FBXL17: variants seen among roughly 807,000 people sequenced by gnomAD.
FBXL17 encodes the protein F-box/LRR-repeat protein 17.
A neutral mutation model predicts 66.2 loss-of-function variants in FBXL17; 22 were observed. That is an observed-to-expected ratio of 0.33 (90% CI 0.24 to 0.47). The LOEUF (loss-of-function observed/expected upper bound fraction) is 0.47. Among genes scored for constraint, FBXL17 ranks in the 20% least tolerant of loss-of-function variants. FBXL17 has a pLI of 1.00. For synonymous variants in FBXL17, 474 were observed against 400.5 expected, an observed-to-expected ratio of 1.18 and a Z score of -2.19; for missense variants, 878 against 948.2, an observed-to-expected ratio of 0.93 and a Z score of 0.97.
intron 7 of FBXL17, among the ~76,000 whole-genome samples, chr5:107,982,543 G>A (rs1297419790): frequency 6.6e-6 from 1 of 152,128 alleles, no homozygotes; most frequent in African/African-American, 2.4e-5. Flanking sequence ...AGAACCAGAG[G>A]AAAAACATGC....
Position 108,364,829 on chromosome 5 carries a change from G to T in FBXL17, c.1283C>A (p.Thr428Asn), listed in dbSNP as rs911602561. The stretch of plus-strand genomic sequence containing the variant: ...GTGAGAGGCAACCGCAATAATAGAG[G>T]TGTCAGAAAGCTGTTTACACCTGTA... The part of the protein sequence containing the change: ...TAYRCKQLSD[T>N]SIIAVASHCP... The change falls in exon 3 of 9, where the codon ACC becomes AAC. Residue 428 changes from threonine to asparagine, a missense_variant. Thr to Asn is a moderately conservative substitution (Grantham distance 65, BLOSUM62 0). This residue lies in a region of FBXL17 where 236 missense variants were observed against 389.1 expected (regional missense o/e 0.61). Transcript: ENST00000542267. 6.2e-7 allele frequency: 1 copy of T among 1,612,922 alleles called. No homozygotes were observed. The highest frequency in any genetic ancestry group is 2.2e-5 in the East Asian group (1 of 44,840).
At chr5:108,083,248 C>CAT (rs1422590389) in intron 6 of FBXL17, among the ~76,000 whole-genome samples, 1 of 135,548 alleles carries the variant, frequency 7.4e-6, no homozygotes. Context: ...CACACACACA[C>CAT]ACAGAGAGAG....
intron 7 of FBXL17, among the ~76,000 whole-genome samples, chr5:107,997,034 C>A (rs1045835584): frequency 1.2e-4 from 19 of 152,186 alleles, no homozygotes; most frequent in Non-Finnish European, 2.6e-4. Context: ...AGGGCTGAGA[C>A]TGGAAACTGT....
intron 6 of FBXL17, among the ~76,000 whole-genome samples, chr5:108,168,253 C>G (rs1752482243): frequency 6.6e-6 from 1 of 152,240 alleles, no homozygotes; most frequent in African/African-American, 2.4e-5. Flanking sequence ...TAAAGTCAAA[C>G]AACCCAGTTG....
At chr5:107,900,553 A>C (rs1749538542) in intron 7 of FBXL17, among the ~76,000 whole-genome samples, 1 of 152,176 alleles carries the variant, frequency 6.6e-6, no homozygotes, top group Non-Finnish European at 1.5e-5. Context: ...AAACTGTTCT[A>C]ACTAAAGAAT....
chr5:108,181,821 C>T (rs996061926), intron 6 of FBXL17, among the ~76,000 whole-genome samples: 4 of 152,038 alleles, frequency 2.6e-5, no homozygotes, highest in Middle Eastern at 3.2e-3. Flanking sequence ...AAATGTCAAT[C>T]GTATGTGAAT....
At chr5:108,177,608 T>C (rs368658664) in intron 6 of FBXL17, among the ~76,000 whole-genome samples, 5 of 152,078 alleles carry the variant, frequency 3.3e-5, no homozygotes, top group Middle Eastern at 3.4e-3. Context: ...CAAATCAGGA[T>C]ATATGGTCAC....
In FBXL17 at chr5:108,367,870, G is replaced by C. The variant is rs745380462; in HGVS notation, c.1077C>G (p.Phe359Leu). ...CKYWRDLCLDFQFWKQLDLSS... is the reference protein window; with the variant it reads ...CKYWRDLCLDLQFWKQLDLSS... Reference sequence around the variant, plus strand: ...TAAGATCCAGCTGCTTCCAAAACTGGAAGTCTAAACAAAGGTCACGCCAGT... The same window carrying C: ...TAAGATCCAGCTGCTTCCAAAACTGCAAGTCTAAACAAAGGTCACGCCAGT... Residue 359 changes from phenylalanine to leucine, a missense_variant, in exon 2 of 9, where the codon TTC becomes TTG. By Grantham distance (22) the Phe-to-Leu change is conservative (BLOSUM62 0). This residue lies in a region of FBXL17 where 236 missense variants were observed against 389.1 expected (regional missense o/e 0.61). Transcript: ENST00000542267. The C allele has an allele frequency of 6.4e-7, 1 of 1,550,968 alleles. No individual in the cohort carries two copies. The highest frequency in any genetic ancestry group is 8.7e-7 in the Non-Finnish European group (1 of 1,146,548).
intron 6 of FBXL17, among the ~76,000 whole-genome samples, chr5:108,021,841 A>G (rs1189865312): frequency 6.6e-6 from 1 of 151,874 alleles, no homozygotes; most frequent in Non-Finnish European, 1.5e-5. Flanking sequence ...CCCTCTTTTA[A>G]TCTTTATAAA....
intron 8 of FBXL17, chr5:107,878,288 A>T: frequency 1.1e-6 from 1 of 935,740 alleles, no homozygotes. Flanking sequence ...AGGCAATATA[A>T]TTTTTTTTTC....
At position 108,367,380 on chromosome 5, in the gene FBXL17, C is replaced by T. The variant is rs542851574; in HGVS notation, c.1116+451G>A. 4.6e-5 allele frequency among the ~76,000 whole-genome samples: 7 copies of T among 151,814 alleles called. No homozygotes were observed. In the East Asian group the frequency reaches 1.2e-3, roughly 25 times the overall value. On this transcript the variant is annotated intron_variant, in intron 2 of 8. Transcript: ENST00000542267. ...TTAGCCTATTTTACTTCCATTTCTT[C>T]ATCTGTAAAGGAGAAAAAATAATAG... is the stretch of plus-strand genomic sequence containing the variant.
At chr5:108,226,777 C>A (rs76879512) in intron 4 of FBXL17, among the ~76,000 whole-genome samples, 18,426 of 152,164 alleles carry the variant, frequency 0.12, 1,350 homozygotes, top group Admixed American at 0.16. Flanking sequence ...AGAATTGGTG[C>A]TCTCTCTGCC....
intron 4 of FBXL17, among the ~76,000 whole-genome samples, chr5:108,265,712 GTTTTC>G (rs928419980): frequency 6.6e-6 from 1 of 152,058 alleles, no homozygotes; most frequent in African/African-American, 2.4e-5. Flanking sequence ...ATCAGGATCT[GTTTTC>G]TTTTTTGTTT....
At chr5:108,260,339 TAAC>T (rs1268588138) in intron 4 of FBXL17, among the ~76,000 whole-genome samples, 1 of 151,518 alleles carries the variant, frequency 6.6e-6, no homozygotes, top group East Asian at 1.9e-4. Flanking sequence ...CTCTGCCAAA[TAAC>T]AATGACCAGA....
chr5:108,122,989 G>A (rs1750562105), intron 6 of FBXL17, among the ~76,000 whole-genome samples: 1 of 151,724 alleles, frequency 6.6e-6, no homozygotes, highest in Admixed American at 6.6e-5. Flanking sequence ...CCAAAGGCTA[G>A]GGCTGAGTGA....
intron 7 of FBXL17, among the ~76,000 whole-genome samples, chr5:108,007,786 G>C (rs1753996476): frequency 6.6e-6 from 1 of 152,106 alleles, no homozygotes; most frequent in Non-Finnish European, 1.5e-5. Context: ...TCATGCAAAA[G>C]ACAGCATAAC....
chr5:108,358,225 T>C (rs950497774), intron 3 of FBXL17, among the ~76,000 whole-genome samples: 11 of 152,170 alleles, frequency 7.2e-5, no homozygotes, highest in Non-Finnish European at 1.5e-5. Context: ...TAAAACAGGA[T>C]TGCCAAAAGC....
chr5:107,998,710 C>T (rs1753579641), intron 7 of FBXL17, among the ~76,000 whole-genome samples: 3 of 152,156 alleles, frequency 2.0e-5, no homozygotes, highest in African/African-American at 7.2e-5. Flanking sequence ...ATTTCTCATC[C>T]TCAAGTACTC....
intron 6 of FBXL17, among the ~76,000 whole-genome samples, chr5:108,129,294 A>G (rs776239829): frequency 2.0e-5 from 3 of 152,116 alleles, no homozygotes; most frequent in East Asian, 1.9e-4. Flanking sequence ...TATGAAATCA[A>G]TGCAATGTAT....
Sources: allele counts gnomAD v4.1 joint callset (sites outside exome capture counted in the v4.1 genomes callset), GRCh38; gene constraint gnomAD v4.1.1; regional missense constraint gnomAD v4.1.1; transcripts MANE v1.5; gene names NCBI Gene and HGNC (gene_info 2026-07-23, HGNC 2026-07-21).